Variants in TMCO5A observed in about 807,000 individuals in gnomAD.
TMCO5A encodes transmembrane and coiled-coil domain-containing protein 5A.
A neutral mutation model predicts 42.3 loss-of-function variants in TMCO5A; 34 were observed. The observed-to-expected ratio is 0.80, with a 90% CI of 0.61 to 1.07. TMCO5A has a LOEUF of 1.07. TMCO5A is among the 50% of genes least tolerant of loss of function. The probability of loss-of-function intolerance (pLI) is 0.00; values close to 1 mark genes in which losing one functional copy is unlikely to be tolerated. For synonymous variants in TMCO5A, 131 were observed against 115.6 expected, an observed-to-expected ratio of 1.13 and a Z score of -0.86; for missense variants, 357 against 327.9, an observed-to-expected ratio of 1.09 and a Z score of -0.69.
chr15:37,950,483 A>G (rs1246848078), intron 11 of TMCO5A, among the ~76,000 whole-genome samples: 2 of 152,136 alleles, frequency 1.3e-5, no homozygotes, highest in East Asian at 3.9e-4. Flanking sequence ...CATGAAACAA[A>G]CTCTTACAAA....
chr15:37,951,753 A>G (rs895680438), downstream of TMCO5A, among the ~76,000 whole-genome samples: 2 of 152,188 alleles, frequency 1.3e-5, no homozygotes, highest in African/African-American at 4.8e-5. Flanking sequence ...AAGGACACCA[A>G]TTTAACAACT....
At chr15:38,038,481 C>T in the TMCO5A span, among the ~76,000 whole-genome samples, 2 of 151,640 alleles carry the variant, frequency 1.3e-5, no homozygotes, top group Non-Finnish European at 2.9e-5. Context: ...TCTCGGCTCA[C>T]TGCAACCTCT....
At chr15:38,010,694 T>A in the TMCO5A span, among the ~76,000 whole-genome samples, 1 of 152,164 alleles carries the variant, frequency 6.6e-6, no homozygotes, top group Non-Finnish European at 1.5e-5. Flanking sequence ...TTTGTGGTAG[T>A]TTGTTACAGC....
chr15:37,948,812 G>C (rs1890056175), intron 11 of TMCO5A, among the ~76,000 whole-genome samples: 1 of 152,020 alleles, frequency 6.6e-6, no homozygotes, highest in Non-Finnish European at 1.5e-5. Flanking sequence ...ATTTTCCCTG[G>C]GAATGCAATC....
At chr15:37,948,836 A>T (rs1007674824) in intron 11 of TMCO5A, among the ~76,000 whole-genome samples, 8 of 152,082 alleles carry the variant, frequency 5.3e-5, no homozygotes, top group African/African-American at 1.9e-4. Flanking sequence ...GAACCTTCTC[A>T]TGCGTATTGG....
the TMCO5A span, among the ~76,000 whole-genome samples, chr15:37,981,682 A>G: frequency 3.9e-5 from 6 of 152,316 alleles, no homozygotes; most frequent in Admixed American, 2.0e-4. Context: ...TACATTTCTG[A>G]TAAGGAGCAA....
the TMCO5A span, among the ~76,000 whole-genome samples, chr15:38,016,780 C>T: frequency 1.3e-5 from 2 of 152,128 alleles, no homozygotes; most frequent in Admixed American, 6.6e-5. Context: ...TGTCCTCTGC[C>T]GCTTGCCTTA....
At chr15:37,955,341 A>T (rs1449116811), downstream of TMCO5A, among the ~76,000 whole-genome samples, 1 of 151,888 alleles carries the variant, frequency 6.6e-6, no homozygotes, top group Non-Finnish European at 1.5e-5. Flanking sequence ...ATGAGATCAA[A>T]GCTGTAATAA....
chr15:37,953,314 T>G (rs1890206552), downstream of TMCO5A, among the ~76,000 whole-genome samples: 1 of 152,152 alleles, frequency 6.6e-6, no homozygotes, highest in Non-Finnish European at 1.5e-5. Context: ...CCTAGTGGTT[T>G]TGGCCACAGA....
chr15:37,949,866 A>G (rs2140285789), intron 11 of TMCO5A, among the ~76,000 whole-genome samples: 1 of 152,288 alleles, frequency 6.6e-6, no homozygotes, highest in East Asian at 1.9e-4. Flanking sequence ...AGTATCTGTC[A>G]GGAAGTTGCA....
downstream of TMCO5A, among the ~76,000 whole-genome samples, chr15:37,971,744 AG>A (rs1252285096): frequency 1.3e-5 from 2 of 152,182 alleles, no homozygotes; most frequent in African/African-American, 4.8e-5. Context: ...TCTCTAGGGC[AG>A]GGGCAAAATG....
intron 7 of TMCO5A, among the ~76,000 whole-genome samples, 190 bp from the exon 8 acceptor site, chr15:37,941,481 C>T (rs1269215527): frequency 2.0e-5 from 3 of 151,976 alleles, no homozygotes; most frequent in African/African-American, 7.3e-5. Flanking sequence ...CCACCTTTGA[C>T]CAATAACTCC....
intron 11 of TMCO5A, among the ~76,000 whole-genome samples, chr15:37,960,179 AC>A (rs1389713616): frequency 6.6e-6 from 1 of 151,014 alleles, no homozygotes; most frequent in East Asian, 2.0e-4. Flanking sequence ...TTTGTCCCTC[AC>A]CCCCTACCAC....
At chr15:38,016,378 T>C in the TMCO5A span, among the ~76,000 whole-genome samples, 1 of 152,096 alleles carries the variant, frequency 6.6e-6, no homozygotes. Context: ...GTGTAGCCAC[T>C]GTATCAGGCT....
At chr15:38,032,768 T>C in the TMCO5A span, among the ~76,000 whole-genome samples, 1 of 152,264 alleles carries the variant, frequency 6.6e-6, no homozygotes, top group South Asian at 2.1e-4. Flanking sequence ...ACAAAACTCA[T>C]TCTGTCTTAC....
At chr15:37,938,728 G>T (rs541840718) in intron 6 of TMCO5A, among the ~76,000 whole-genome samples, 1 of 152,104 alleles carries the variant, frequency 6.6e-6, no homozygotes, top group Non-Finnish European at 1.5e-5. Context: ...CTGAGTGCTC[G>T]GCAATTTATG....
the TMCO5A span, among the ~76,000 whole-genome samples, chr15:38,015,572 A>C: frequency 6.6e-6 from 1 of 152,186 alleles, no homozygotes; most frequent in African/African-American, 2.4e-5. Flanking sequence ...AAATTTGAAC[A>C]CTTATGTCCA....
At chr15:37,986,579 T>G in the TMCO5A span, among the ~76,000 whole-genome samples, 3 of 152,052 alleles carry the variant, frequency 2.0e-5, no homozygotes. Context: ...CTTGCAAAAC[T>G]GATACTCTGT....
At chr15:37,971,948 C>T (rs867851839), downstream of TMCO5A, among the ~76,000 whole-genome samples, 1 of 152,138 alleles carries the variant, frequency 6.6e-6, no homozygotes, top group Non-Finnish European at 1.5e-5. Flanking sequence ...TCTTCTGTGC[C>T]CTCCAAACTG....
Sources: allele counts gnomAD v4.1 joint callset (sites outside exome capture counted in the v4.1 genomes callset), GRCh38; gene constraint gnomAD v4.1.1; transcripts MANE v1.5; gene names NCBI Gene and HGNC (gene_info 2026-07-23, HGNC 2026-07-21).